LRRN4: variants seen among roughly 807,000 people sequenced by gnomAD.
LRRN4 encodes leucine rich repeat neuronal 4.
A neutral mutation model predicts 22.3 loss-of-function variants in LRRN4; 26 were observed. The observed-to-expected ratio is 1.16, with a 90% CI of 0.85 to 1.62. The LOEUF is 1.62. Ranked by LOEUF, LRRN4 falls within the 40% of genes most tolerant of loss-of-function variation. The pLI, the probability that LRRN4 is intolerant of heterozygous loss-of-function variation, is 0.00. For missense variants in LRRN4, 1,070 were observed against 1,008.5 expected, an observed-to-expected ratio of 1.06 and a Z score of -0.83; for synonymous variants, 496 against 486.2, an observed-to-expected ratio of 1.02 and a Z score of -0.26.
chr20:6,046,517 T>C (rs1316005975), intron 3 of LRRN4, among the ~76,000 whole-genome samples: 3 of 148,592 alleles, frequency 2.0e-5, no homozygotes, highest in African/African-American at 7.3e-5. Flanking sequence ...CTGAGTCTCC[T>C]GGACCTCCCA....
rs758430694 is a variant in LRRN4, at chr20:6,052,662, C to T, written c.138G>A (p.Ser46=). The T allele has an allele frequency of 7.1e-5, 113 of 1,581,918 alleles. No homozygotes were observed. The highest frequency in any genetic ancestry group is 3.7e-4 in the Admixed American group (21 of 57,186). ...WGSSGSNATD[S]PCEGLPAADA... is the part of the protein sequence containing the mutation. ...CCGCGGCGGGCAGCCCCTCGCAGGG[C>T]GAGTCGGTGGCGTTGCTGCCACTGC... Residue 46 remains serine (S), a synonymous_variant, in exon 2 of 5, where the codon TCG becomes TCA. Coordinates refer to ENST00000378858, the MANE Select transcript of LRRN4 (RefSeq NM_152611.5).
rs1359273971 is a variant in LRRN4, at chr20:6,041,673, C to T, written c.1572G>A (p.Leu524=). The change falls in exon 5 of 5, where the codon CTG becomes CTA. Residue 524 remains leucine (L), a synonymous_variant. Transcript: ENST00000378858. This position sits in a 1 kb window ranked among gnomAD's most constrained non-coding sequence, Gnocchi z 9.4. ...LSEGEIPVLL[L]DDYSEEEEGR... is the part of the protein sequence containing the mutation. ...CTTCCTCCTCCTCACTGTAGTCGTC[C>T]AGCAGCAAGACTGGAATCTCGCCCT... is the stretch of plus-strand genomic sequence containing the variant. 1.2e-6 allele frequency: 2 copies of T among 1,612,306 alleles called. No individual in the cohort carries two copies. Among genetic ancestry groups the T allele is most frequent in the African/African-American group, 2.7e-5 (2 of 74,924 alleles).
intron 1 of LRRN4, 85 bp downstream of exon 1, chr20:6,053,745 A>C (rs1054988318): frequency 2.0e-5 from 3 of 152,326 alleles, no homozygotes; most frequent in Admixed American, 2.0e-4. Context: ...GGGTCTCCCT[A>C]TTACTAGCTG....
chr20:6,052,789 G>A lies in LRRN4; in HGVS notation c.11C>T (p.Thr4Ile). Residue 4 changes from threonine to isoleucine, a missense_variant, in exon 2 of 5, where the codon ACC (threonine) becomes ATC (isoleucine). Coordinates refer to ENST00000378858, the MANE Select transcript of LRRN4 (RefSeq NM_152611.5). ...CACCGTCAGCAGCAGCAGCGGTAGG[G>A]TTTGCCGCATGGCGTCTGGGGAGAG... MRQTLPLLLLTVLR... is the reference protein window; with the variant it reads MRQILPLLLLTVLR... The A allele has an allele frequency of 6.4e-7, 1 of 1,569,782 alleles. No homozygotes were observed. The highest frequency in any genetic ancestry group is 1.3e-5 in the African/African-American group (1 of 74,422).
In LRRN4 at chr20:6,041,086, T is replaced by C; in HGVS notation, c.2159A>G (p.His720Arg). ...QTLGLQRCDT[H>R]LVAYKNPAFD... Reference sequence around the variant, plus strand: ...GGCCGGGTTTTTGTAGGCCACCAGGTGCGTGTCGCAGCGCTGCAGGCCCAG... The same window carrying C: ...GGCCGGGTTTTTGTAGGCCACCAGGCGCGTGTCGCAGCGCTGCAGGCCCAG... The change falls in exon 5 of 5, where the codon CAC becomes CGC. Residue 720 changes from histidine to arginine, a missense_variant. Physicochemically the swap from His to Arg is conservative, Grantham distance 29. Transcript: ENST00000378858. The surrounding 1 kb of genome is among the most constrained non-coding windows in gnomAD (Gnocchi z 9.4). 1 of 1,613,748 alleles carries C rather than the reference T, an allele frequency of 6.2e-7. No homozygotes were observed. Among genetic ancestry groups the C allele is most frequent in the Non-Finnish European group, 8.5e-7 (1 of 1,179,922 alleles).
chr20:6,052,045 G>A (rs1026678874), intron 2 of LRRN4, 100 bp downstream of exon 2: 41 of 1,397,226 alleles, frequency 2.9e-5, no homozygotes, highest in Non-Finnish European at 3.9e-5. Context: ...TGGGCACCCG[G>A]GTCACCCCTC....
Position 6,041,238 on chromosome 20 carries a change from G to T in LRRN4, c.2007C>A (p.Ser669Arg). Residue 669 changes from serine (S) to arginine (R), a missense_variant, in exon 5 of 5, where the codon AGC becomes AGA. Ser to Arg is a moderately radical substitution (Grantham distance 110). Transcript: ENST00000378858. This position sits in a 1 kb window ranked among gnomAD's most constrained non-coding sequence, Gnocchi z 9.4. The part of the protein sequence containing the change: ...LSQPRSSGWR[S>R]PCAAFTTKPS... ...GCTTGGTGGTGAAGGCGGCGCACGG[G>T]CTCCTCCAGCCCGAAGACCGTGGCT... 1 of 1,583,076 alleles carries T rather than the reference G, an allele frequency of 6.3e-7. No individual in the cohort carries two copies. Among genetic ancestry groups the T allele is most frequent in the Non-Finnish European group, 8.6e-7 (1 of 1,164,700 alleles).
chr20:6,046,193 T>A lies in LRRN4; in HGVS notation c.861-1513A>T, dbSNP rs959285101. On this transcript the variant is annotated intron_variant, in intron 3 of 4. Coordinates refer to ENST00000378858, the MANE Select transcript of LRRN4 (RefSeq NM_152611.5). ...CAGGCATGGTGGAGTACACCTGTGG[T>A]CCCAGCTACTTGGGAGGCTGAGATG... Among the ~76,000 whole-genome samples the A allele has an allele frequency of 5.4e-5, 8 of 148,518 alleles. No homozygotes were observed. In the East Asian group the frequency reaches 1.6e-3, roughly 29 times the overall value.
intron 4 of LRRN4, among the ~76,000 whole-genome samples, chr20:6,043,090 G>GCTCAAAT (rs1981011635): frequency 6.6e-6 from 1 of 152,168 alleles, no homozygotes; most frequent in East Asian, 1.9e-4. Flanking sequence ...AAGTAACTCA[G>GCTCAAAT]GTGAAATAGC....
chr20:6,042,384 C>T, intron 4 of LRRN4, 138 bp from the exon 5 acceptor site: 1 of 910,470 alleles, frequency 1.1e-6, no homozygotes, highest in Non-Finnish European at 1.6e-6. Context: ...GGCACACACG[C>T]CGCACACACA....
Position 6,041,983 on chromosome 20 carries a change from G to A in LRRN4, c.1262C>T (p.Pro421Leu), listed in dbSNP as rs1351146791. ...NVGSRTIAAW[P>L]HSDAREGTAP... ...AGTCCCCTCCCGTGCATCGCTGTGC[G>A]GCCATGCAGCTATCGTGCGAGAGCC... The change falls in exon 5 of 5, where the codon CCG (proline) becomes CTG (leucine). Residue 421 changes from proline (P) to leucine (L), a missense_variant. Physicochemically the swap from Pro to Leu is moderately conservative, Grantham distance 98. Coordinates refer to ENST00000378858, the MANE Select transcript of LRRN4 (RefSeq NM_152611.5). This position sits in a 1 kb window ranked among gnomAD's most constrained non-coding sequence, Gnocchi z 9.4. 4 of 1,613,974 alleles carry A rather than the reference G, an allele frequency of 2.5e-6. No homozygotes were observed. The highest frequency in any genetic ancestry group is 4.5e-5 in the East Asian group (2 of 44,880).
chr20:6,052,065 C>A, intron 2 of LRRN4, 80 bp downstream of exon 2: 1 of 1,472,940 alleles, frequency 6.8e-7, no homozygotes, highest in Non-Finnish European at 9.0e-7. Flanking sequence ...CGAGGAAGAA[C>A]GCAGCCCTGC....
chr20:6,042,482 G>A (rs1422968174), intron 4 of LRRN4, among the ~76,000 whole-genome samples: 4 of 152,164 alleles, frequency 2.6e-5, no homozygotes, highest in Non-Finnish European at 4.4e-5. Context: ...AGTTTAGAAG[G>A]AGGAACTAAT....
intron 3 of LRRN4, among the ~76,000 whole-genome samples, chr20:6,047,233 G>A (rs756356267): frequency 3.9e-5 from 6 of 152,064 alleles, no homozygotes; most frequent in Non-Finnish European, 5.9e-5. Flanking sequence ...ACTTCTGATA[G>A]GGCCCTAGTG....
rs369656470 is a variant in LRRN4, at chr20:6,050,928, C to A, written c.711G>T (p.Lys237Asn). ...LPKLTSLYLR[K>N]MPRLTTLEGD... ...CCTCCAGGGTCGTCAGCCGAGGCAT[C>A]TTCCTCAGGTAGAGGGATGTGAGCT... The change falls in exon 3 of 5, where the codon AAG becomes AAT. Residue 237 changes from lysine to asparagine, a missense_variant. By Grantham distance (94) the Lys-to-Asn change is moderately conservative. Coordinates refer to ENST00000378858, the MANE Select transcript of LRRN4 (RefSeq NM_152611.5). 4 of 1,614,212 alleles carry A rather than the reference C, an allele frequency of 2.5e-6. No individual in the cohort carries two copies. Among genetic ancestry groups the A allele is most frequent in the Middle Eastern group, 1.6e-4 (1 of 6,062 alleles).
rs1337170319 is a variant in LRRN4 at position 6,052,290 on chromosome 20, G to C, written c.510C>G (p.Pro170=). ...AGGAGAGGTTGAGGAGCTGCAGCGC[G>C]GGGAAGCAGGCGAAGGCCCGGGGCT... ...ALQPRAFACF[P]ALQLLNLSCT... The change falls in exon 2 of 5, where the codon CCC becomes CCG. Residue 170 remains proline (P), a synonymous_variant. Coordinates refer to ENST00000378858, the MANE Select transcript of LRRN4 (RefSeq NM_152611.5). 1 of 1,536,684 alleles carries C rather than the reference G, an allele frequency of 6.5e-7. No individual in the cohort carries two copies. Among genetic ancestry groups the C allele is most frequent in the Non-Finnish European group, 8.7e-7 (1 of 1,144,256 alleles).
rs1451814311 is a variant in LRRN4 at position 6,040,925 on chromosome 20, G to A, written c.*97C>T. The A allele has an allele frequency of 2.0e-6, 3 of 1,512,710 alleles. No homozygotes were observed. The highest frequency in any genetic ancestry group is 2.7e-6 in the Non-Finnish European group (3 of 1,122,750). The allele number at this position is 1,512,710 out of a possible 1,614,324, so 93.7% of individuals were successfully genotyped here. On this transcript the variant is annotated 3_prime_UTR_variant, in exon 5 of 5. Coordinates refer to ENST00000378858, the MANE Select transcript of LRRN4 (RefSeq NM_152611.5). Reference sequence around the variant, plus strand: ...AGGCATTCTGGCTTCACGGGAATTAGAAACCCTAGGAGCGGATGGGGTCGT... The same window carrying A: ...AGGCATTCTGGCTTCACGGGAATTAAAAACCCTAGGAGCGGATGGGGTCGT...
rs1359536165 is a variant in LRRN4, at chr20:6,052,327, A to T, written c.473T>A (p.Leu158Gln). 5.9e-6 allele frequency: 9 copies of T among 1,512,730 alleles called. No individual in the cohort carries two copies. The highest frequency in any genetic ancestry group is 7.9e-6 in the Non-Finnish European group (9 of 1,137,796). The allele number at this position is 1,512,730 out of a possible 1,614,324, so 93.7% of individuals were successfully genotyped here. A position where few individuals can be genotyped will look rare whatever the true frequency, so the allele number is the denominator to read the frequency against. ...LRALALAGNP[L>Q]RALQPRAFAC... ...GAAGGCCCGGGGCTGCAGCGCCCGC[A>T]GCGGATTCCCGGCGAGCGCCAGGGC... The change falls in exon 2 of 5, where the codon CTG becomes CAG. Residue 158 changes from leucine to glutamine, a missense_variant. By Grantham distance (113) the Leu-to-Gln change is moderately radical. Transcript: ENST00000378858.
chr20:6,052,427 G>A lies in LRRN4; in HGVS notation c.373C>T (p.His125Tyr), dbSNP rs200781075. The change falls in exon 2 of 5, where the codon CAC (histidine) becomes TAC (tyrosine). Residue 125 changes from histidine (H) to tyrosine (Y), a missense_variant. Transcript: ENST00000378858. The stretch of plus-strand genomic sequence containing the variant: ...TGGTTGTAGCTGAGGTCCAGGGTGT[G>A]CAGCCCCGCCGGCCCACCCGGGCCC... Reference protein sequence around the residue: ...RWGPGGPAGLHTLDLSYNQLA... With the variant: ...RWGPGGPAGLYTLDLSYNQLA... 407 of 1,545,768 alleles carry A rather than the reference G, an allele frequency of 2.6e-4. 3 individuals are homozygous for A. The African/African-American group carries it at 4.8e-3, about 18-fold the overall frequency.
Sources: allele counts gnomAD v4.1 joint callset (sites outside exome capture counted in the v4.1 genomes callset), GRCh38; gene constraint gnomAD v4.1.1; non-coding constraint Gnocchi (gnomAD v3.1); transcripts MANE v1.5; gene names NCBI Gene and HGNC (gene_info 2026-07-23, HGNC 2026-07-21).